The following FAM161A variants were observed in gnomAD, a reference collection of about 807,000 sequenced individuals.
FAM161A encodes protein FAM161A.
In FAM161A, 57 loss-of-function variants were observed where a neutral mutation model predicts 70.9. That is an observed-to-expected ratio of 0.80 (90% CI 0.65 to 1.00). The LOEUF (loss-of-function observed/expected upper bound fraction) is 1.00, where lower values mean the gene tolerates loss of function less well. FAM161A is among the 50% of genes least tolerant of loss of function. FAM161A has a pLI of 0.00. For synonymous variants in FAM161A, 299 were observed against 295.7 expected (o/e 1.01, Z -0.12); for missense variants, 880 against 836.0 (o/e 1.05, Z -0.65).
chr2:61,800,260 G>C, the FAM161A span, among the ~76,000 whole-genome samples: 2 of 152,230 alleles, frequency 1.3e-5, no homozygotes, highest in East Asian at 3.9e-4. Flanking sequence ...TGGTTTTATT[G>C]GAGCTGTACA....
chr2:61,813,834 A>G, the FAM161A span, among the ~76,000 whole-genome samples: 1 of 152,102 alleles, frequency 6.6e-6, no homozygotes, highest in Non-Finnish European at 1.5e-5. Flanking sequence ...TTGGTCGTTC[A>G]CTCAAAAACA....
downstream of FAM161A, among the ~76,000 whole-genome samples, chr2:61,823,387 T>TATATATATATATATATATATATATATA (rs1558470717): frequency 9.0e-6 from 1 of 110,844 alleles, no homozygotes; most frequent in African/African-American, 3.4e-5. Context: ...ATATATATAT[T>TATATATATATATATATATATATATATA]GAGTCAGGGT....
At chr2:61,848,860 A>T (rs867448889) in intron 1 of FAM161A, among the ~76,000 whole-genome samples, 1 of 6,798 alleles carries the variant, frequency 1.5e-4, no homozygotes, top group Admixed American at 4.1e-3. Flanking sequence ...TTATATATAT[A>T]TTTATATATA....
chr2:61,852,046 C>T (rs1673515667), intron 1 of FAM161A, among the ~76,000 whole-genome samples: 1 of 152,182 alleles, frequency 6.6e-6, no homozygotes, highest in Non-Finnish European at 1.5e-5. Context: ...TTCCTGCCTT[C>T]TTAATGCCTC....
downstream of FAM161A, among the ~76,000 whole-genome samples, chr2:61,822,515 A>C (rs1396353910): frequency 6.6e-6 from 1 of 152,186 alleles, no homozygotes; most frequent in Non-Finnish European, 1.5e-5. Context: ...TAAAACACAC[A>C]TATACACATA....
rs1438270449 is a variant in FAM161A at position 61,839,322 on chromosome 2, T to C, written c.1583+99A>G. On this transcript the variant is annotated intron_variant, in intron 3 of 6. Transcript: ENST00000404929. ...AAATATCTTATAGATACAATAATAA[T>C]TTCTAAGTATTTTCAAATTTACCAA... 3 of 1,015,850 alleles carry C rather than the reference T, an allele frequency of 3.0e-6. No homozygotes were observed. The African/African-American group carries it at 4.8e-5, about 16-fold the overall frequency. The allele number at this position is 1,015,850 out of a possible 1,614,324, so 62.9% of individuals were successfully genotyped here.
intron 1 of FAM161A, among the ~76,000 whole-genome samples, chr2:61,850,876 T>A (rs535437539): frequency 2.0e-5 from 3 of 152,266 alleles, no homozygotes; most frequent in Admixed American, 6.5e-5. Context: ...ATGTGTCTGT[T>A]CATTTTTTGT....
the FAM161A span, among the ~76,000 whole-genome samples, chr2:61,804,768 G>GAAAA: frequency 3.4e-5 from 4 of 119,038 alleles, no homozygotes; most frequent in South Asian, 1.3e-3. Flanking sequence ...GAAAAAGAAA[G>GAAAA]AGAAAGAAAG....
chr2:61,837,496 C>T (rs918099197), intron 4 of FAM161A, among the ~76,000 whole-genome samples: 5 of 152,246 alleles, frequency 3.3e-5, no homozygotes, highest in South Asian at 2.1e-4. Flanking sequence ...TGTCCAGGCA[C>T]GGTGGCTCAC....
rs1572854460 is a variant in FAM161A, at chr2:61,825,510, T to C, written c.*945A>G. On this transcript the variant is annotated 3_prime_UTR_variant, in exon 7 of 7. Coordinates refer to ENST00000404929, the MANE Select transcript of FAM161A (RefSeq NM_001201543.2). ...TAGTATAAAAACTTTCCTAATAATT[T>C]ACAAATCAAAAATAATTTGGACTAG... is the stretch of plus-strand genomic sequence containing the variant. 6.8e-6 allele frequency: 3 copies of C among 441,368 alleles called. No individual in the cohort carries two copies. In the Middle Eastern group the frequency reaches 2.2e-3, roughly 327 times the overall value. The allele number at this position is 441,368 out of a possible 1,614,324, so 27.3% of individuals were successfully genotyped here.
intron 5 of FAM161A, among the ~76,000 whole-genome samples, chr2:61,828,284 G>GAAA (rs35901888): frequency 2.1e-5 from 3 of 144,746 alleles, no homozygotes; most frequent in African/African-American, 5.1e-5. Context: ...AAAGATATCT[G>GAAA]AAAAAAAAAA....
At chr2:61,828,323 A>AG (rs147916800) in intron 5 of FAM161A, among the ~76,000 whole-genome samples, 1,593 of 149,586 alleles carry the variant, frequency 0.011, 34 homozygotes, top group African/African-American at 0.038. Context: ...TTGTTGTCAG[A>AG]GGATTCTTTT....
Position 61,839,437 on chromosome 2 carries a change from G to C in FAM161A, c.1567C>G (p.Arg523Gly), listed in dbSNP as rs202193201. Reference sequence around the variant, plus strand: ...CTTACTTACCTTACGGCTTGTTCTCGTCCTCTGGAAGATACCGTGGGCACG... The same window carrying C: ...CTTACTTACCTTACGGCTTGTTCTCCTCCTCTGGAAGATACCGTGGGCACG... ...PPVPTVSSRG[R>G]EQAVRRSLEE... Residue 523 changes from arginine (R) to glycine (G), a missense_variant, in exon 3 of 7, where the codon CGA becomes GGA. By Grantham distance (125) the Arg-to-Gly change is moderately radical. Transcript: ENST00000404929. 1.6e-4 allele frequency: 251 copies of C among 1,614,004 alleles called. No individual in the cohort carries two copies. The highest frequency in any genetic ancestry group is 1.5e-4 in the Non-Finnish European group (181 of 1,180,032).
rs376294397 is a variant in FAM161A at position 61,827,492 on chromosome 2, C to T, written c.1852-234G>A. Reference sequence around the variant, plus strand: ...GGGCGTGGTGGTGGCCGCCTGTAGTCCCAGCTACTCGGGAGGCTGAGGCAG... The same window carrying T: ...GGGCGTGGTGGTGGCCGCCTGTAGTTCCAGCTACTCGGGAGGCTGAGGCAG... On this transcript the variant is annotated intron_variant, in intron 5 of 6. Transcript: ENST00000404929. Among the ~76,000 whole-genome samples the T allele has an allele frequency of 2.4e-4, 36 of 151,824 alleles. No individual in the cohort carries two copies. In the East Asian group the frequency reaches 5.2e-3, roughly 22 times the overall value.
At chr2:61,832,844 C>T (rs1233568714) in intron 5 of FAM161A, among the ~76,000 whole-genome samples, 1 of 152,164 alleles carries the variant, frequency 6.6e-6, no homozygotes, top group East Asian at 1.9e-4. Flanking sequence ...CAACCCTGGT[C>T]TGTGGAAAAA....
chr2:61,828,236 A>G (rs1021852456), intron 5 of FAM161A, among the ~76,000 whole-genome samples: 1 of 150,332 alleles, frequency 6.7e-6, no homozygotes, highest in African/African-American at 2.5e-5. Flanking sequence ...ATTATTTTTT[A>G]TATTGTACCT....
At position 61,844,973 on chromosome 2, in the gene FAM161A, G is replaced by A. The variant is rs564745599; in HGVS notation, c.184-2613C>T. ...CCAGATCAGGGAGGCAGTGAAAAAG[G>A]AATAAATAAATCCGAGGCATAGTGC... On this transcript the variant is annotated intron_variant, in intron 1 of 6. Transcript: ENST00000404929. 5.3e-5 allele frequency among the ~76,000 whole-genome samples: 8 copies of A among 152,268 alleles called. No individual in the cohort carries two copies. In the East Asian group the frequency reaches 1.2e-3, roughly 22 times the overall value.
intron 1 of FAM161A, chr2:61,846,978 A>T (rs1673239460): frequency 4.6e-6 from 2 of 433,068 alleles, no homozygotes; most frequent in Non-Finnish European, 9.1e-6. Context: ...AATCTGGCCA[A>T]CATGGTGAAA....
chr2:61,806,154 G>T, the FAM161A span, among the ~76,000 whole-genome samples: 143 of 152,134 alleles, frequency 9.4e-4, 2 homozygotes, highest in Non-Finnish European at 9.4e-4. Flanking sequence ...GGAGGTGGAG[G>T]ATGCAGTGAG....
Sources: gnomAD v4.1 joint callset for allele counts (sites outside exome capture counted in the v4.1 genomes callset) on GRCh38, gnomAD v4.1.1 for gene constraint, MANE v1.5 for transcripts, NCBI Gene and HGNC (gene_info 2026-07-23, HGNC 2026-07-21) for gene names.